The following PCCA variants were observed in gnomAD, a reference collection of about 807,000 sequenced individuals.
The protein encoded by PCCA is propionyl-CoA carboxylase alpha chain, mitochondrial.
PCCA carries 74 observed loss-of-function variants against 101.3 expected under a neutral mutation model. That is an observed-to-expected ratio of 0.73 (90% confidence interval 0.61 to 0.89). The LOEUF (loss-of-function observed/expected upper bound fraction) is 0.89. PCCA is among the 40% of genes least tolerant of loss of function. The pLI is 0.00. For missense variants in PCCA, 891 were observed against 907.0 expected, an observed-to-expected ratio of 0.98 and a Z score of 0.23; for synonymous variants, 294 against 313.6, an observed-to-expected ratio of 0.94 and a Z score of 0.66.
At chr13:100,341,111 T>C (rs2071242572) in intron 18 of PCCA, among the ~76,000 whole-genome samples, 1 of 152,220 alleles carries the variant, frequency 6.6e-6, no homozygotes. Flanking sequence ...TCACTTGTTC[T>C]CTTTACCTAG....
chr13:100,187,526 A>G (rs891018984), intron 6 of PCCA, among the ~76,000 whole-genome samples: 1 of 152,210 alleles, frequency 6.6e-6, no homozygotes, highest in Non-Finnish European at 1.5e-5. Context: ...AGAGAATTAT[A>G]TTACTTTAAA....
At chr13:100,437,384 G>T (rs2080015668) in intron 20 of PCCA, among the ~76,000 whole-genome samples, 1 of 152,112 alleles carries the variant, frequency 6.6e-6, no homozygotes, top group African/African-American at 2.4e-5. Context: ...AGAACCAGGG[G>T]CATAAACATT....
rs138122389 is a variant in PCCA, at chr13:100,489,388, C to T, written c.1900-26039C>T. On this transcript the variant is annotated intron_variant, in intron 21 of 23. Transcript: ENST00000376285. ...AGTGGCTGCTTTCACGTGACTGAAG[C>T]GGAACTGACAGTGTAACATGCAAAA... Among the ~76,000 whole-genome samples, 33 of 152,272 alleles carry T rather than the reference C, an allele frequency of 2.2e-4. No homozygotes were observed. The East Asian group carries it at 4.8e-3, about 22-fold the overall frequency.
At chr13:100,415,005 C>G (rs2078271100) in intron 19 of PCCA, among the ~76,000 whole-genome samples, 2 of 151,962 alleles carry the variant, frequency 1.3e-5, no homozygotes, top group African/African-American at 2.4e-5. Context: ...AAGGTAATTG[C>G]CCCTATAAAT....
At chr13:100,493,782 G>A (rs192813269) in intron 21 of PCCA, among the ~76,000 whole-genome samples, 12 of 152,266 alleles carry the variant, frequency 7.9e-5, no homozygotes, top group South Asian at 4.2e-4. Context: ...GTCCGTGCCC[G>A]GTGAACACTA....
intron 21 of PCCA, among the ~76,000 whole-genome samples, chr13:100,503,907 A>G (rs2085874270): frequency 6.6e-6 from 1 of 152,178 alleles, no homozygotes; most frequent in Non-Finnish European, 1.5e-5. Context: ...GATCCTCAAT[A>G]ATAAGCAGTC....
rs536881579 is a variant in PCCA at position 100,526,487 on chromosome 13, A to G, written c.2041-1188A>G. Among the ~76,000 whole-genome samples, 3 of 152,338 alleles carry G rather than the reference A, an allele frequency of 2.0e-5. No homozygotes were observed. The East Asian group carries it at 5.8e-4, about 29-fold the overall frequency. ...ATCGGCTCAGGCGCTCCAGAGTGCC[A>G]GCAAGACAGCTTGCGCCACACGGGG... On this transcript the variant is annotated intron_variant, in intron 22 of 23. Transcript: ENST00000376285.
chr13:100,134,868 G>A lies in PCCA; in HGVS notation c.301-20111G>A, dbSNP rs184463666. Among the ~76,000 whole-genome samples the A allele has an allele frequency of 2.9e-4, 44 of 151,530 alleles. 2 individuals carry two copies. The East Asian group carries it at 6.3e-3, about 22-fold the overall frequency. On this transcript the variant is annotated intron_variant, in intron 4 of 23. Coordinates refer to ENST00000376285, the MANE Select transcript of PCCA (RefSeq NM_000282.4). ...AGGTCTGCTTTGATTTCTTTCATTA[G>A]CATTTCATAGTTTTCAATATGCAGA... is the stretch of plus-strand genomic sequence containing the variant.
At chr13:100,225,277 C>T (rs2060085857) in intron 7 of PCCA, among the ~76,000 whole-genome samples, 1 of 152,056 alleles carries the variant, frequency 6.6e-6, no homozygotes, top group Admixed American at 6.6e-5. Context: ...AGGGAAGGAT[C>T]ATTGATGATT....
At chr13:100,309,568 T>C (rs899112662) in intron 15 of PCCA, among the ~76,000 whole-genome samples, 1 of 152,196 alleles carries the variant, frequency 6.6e-6, no homozygotes, top group African/African-American at 2.4e-5. Flanking sequence ...ATTTTTTCTG[T>C]ACTTACTTTT....
chr13:100,189,702 A>G (rs2057601408), intron 6 of PCCA, among the ~76,000 whole-genome samples: 1 of 152,158 alleles, frequency 6.6e-6, no homozygotes, highest in Admixed American at 6.5e-5. Context: ...CTATATTTAA[A>G]AAAATATATG....
chr13:100,463,305 C>G (rs1470178836), intron 21 of PCCA, among the ~76,000 whole-genome samples: 1 of 147,624 alleles, frequency 6.8e-6, no homozygotes, highest in African/African-American at 2.5e-5. Flanking sequence ...GAATCATAAT[C>G]TCATCAGAGG....
chr13:100,330,366 C>G (rs536795357), intron 16 of PCCA, among the ~76,000 whole-genome samples, 195 bp from the exon 17 acceptor site: 2 of 152,260 alleles, frequency 1.3e-5, no homozygotes, highest in East Asian at 3.9e-4. Flanking sequence ...TACCAAGCTT[C>G]TTAAATTTAT....
chr13:100,220,528 C>T (rs1484997269), intron 7 of PCCA, among the ~76,000 whole-genome samples: 1 of 151,698 alleles, frequency 6.6e-6, no homozygotes, highest in Non-Finnish European at 1.5e-5. Flanking sequence ...GCCTCGGCCT[C>T]CCAAAGTGTT....
chr13:100,210,107 A>G (rs2059117710), intron 7 of PCCA, among the ~76,000 whole-genome samples: 1 of 151,884 alleles, frequency 6.6e-6, no homozygotes, highest in Admixed American at 6.6e-5. Flanking sequence ...CCTCCCAAGT[A>G]GCTAGGACTG....
chr13:100,476,188 T>G (rs1272356212), intron 21 of PCCA, among the ~76,000 whole-genome samples: 2 of 152,218 alleles, frequency 1.3e-5, no homozygotes, highest in South Asian at 4.1e-4. Context: ...AGAAAATTAA[T>G]GCTGTTTGTG....
chr13:100,216,314 G>A (rs1594771583), intron 7 of PCCA, among the ~76,000 whole-genome samples: 2 of 152,208 alleles, frequency 1.3e-5, no homozygotes, highest in East Asian at 1.9e-4. Flanking sequence ...AATAAACACC[G>A]AGGAAGCATG....
At chr13:100,243,734 A>G (rs900071053) in intron 8 of PCCA, among the ~76,000 whole-genome samples, 2 of 151,930 alleles carry the variant, frequency 1.3e-5, no homozygotes, top group African/African-American at 4.8e-5. Context: ...CTCCCATTTG[A>G]CTTATTTTAC....
chr13:100,195,286 A>G (rs913495898), intron 6 of PCCA, among the ~76,000 whole-genome samples: 2 of 152,182 alleles, frequency 1.3e-5, no homozygotes, highest in Non-Finnish European at 2.9e-5. Context: ...AGATACATCT[A>G]AAAGAAAAAC....
Sources: allele counts gnomAD v4.1 joint callset (sites outside exome capture counted in the v4.1 genomes callset), GRCh38; gene constraint gnomAD v4.1.1; transcripts MANE v1.5; gene names NCBI Gene and HGNC (gene_info 2026-07-23, HGNC 2026-07-21).